LUZP2: variants seen among roughly 807,000 people sequenced by gnomAD.
LUZP2 encodes the protein leucine zipper protein 2.
LUZP2 carries 52 observed loss-of-function variants against 51.6 expected under a neutral mutation model. The observed-to-expected ratio is 1.01, with a 90% CI of 0.81 to 1.27. LUZP2 has a LOEUF of 1.27. Among genes scored for constraint, LUZP2 ranks in the 50% most tolerant of loss-of-function variants. LUZP2 has a pLI of 0.00. For missense variants in LUZP2, 436 were observed against 395.4 expected, an observed-to-expected ratio of 1.10 and a Z score of -0.87; for synonymous variants, 154 against 137.3, an observed-to-expected ratio of 1.12 and a Z score of -0.85.
chr11:24,936,006 T>C (rs1227138076), intron 7 of LUZP2, among the ~76,000 whole-genome samples: 1 of 152,192 alleles, frequency 6.6e-6, no homozygotes, highest in Non-Finnish European at 1.5e-5. Context: ...CAAAAGCATA[T>C]TTGTGAATTT....
intron 5 of LUZP2, among the ~76,000 whole-genome samples, chr11:24,876,539 C>T (rs1260484875): frequency 1.4e-5 from 2 of 148,106 alleles, no homozygotes; most frequent in African/African-American, 5.0e-5. Context: ...TGTGATGCCT[C>T]CAGCTTTGTT....
intron 1 of LUZP2, among the ~76,000 whole-genome samples, chr11:24,720,815 C>T (rs1284769458): frequency 2.0e-5 from 3 of 152,320 alleles, no homozygotes; most frequent in African/African-American, 7.2e-5. Flanking sequence ...TGTCCTGCCT[C>T]AGCCTCTCCG....
intron 7 of LUZP2, among the ~76,000 whole-genome samples, chr11:24,962,373 T>C (rs7127059): frequency 0.46 from 69,375 of 151,824 alleles, 16,154 homozygotes; most frequent in East Asian, 0.74. Context: ...CCAACTTGGT[T>C]CCATTCTCCC....
chr11:24,771,211 C>T (rs751209139), intron 5 of LUZP2, among the ~76,000 whole-genome samples: 1 of 151,308 alleles, frequency 6.6e-6, no homozygotes, highest in Non-Finnish European at 1.5e-5. Flanking sequence ...AATTAGTAAC[C>T]TGTGTATTAA....
In LUZP2 at chr11:24,514,862, A is replaced by G. The variant is rs537126879; in HGVS notation, c.62+17557A>G. 5.3e-5 allele frequency among the ~76,000 whole-genome samples: 8 copies of G among 152,282 alleles called. 1 individual carries two copies. The South Asian group carries it at 1.7e-3, about 32-fold the overall frequency. On this transcript the variant is annotated intron_variant, in intron 1 of 11. Coordinates refer to ENST00000336930, the MANE Select transcript of LUZP2 (RefSeq NM_001009909.4). ...AAAGCGGCCTGGCTCAAGGAAAGCTAAATTCACAAAACTGCTGGTTGGTTC... is the reference window on the plus strand; with the variant it reads ...AAAGCGGCCTGGCTCAAGGAAAGCTGAATTCACAAAACTGCTGGTTGGTTC...
rs76040253 is a variant in LUZP2 at position 24,936,158 on chromosome 11, T to C, written c.522+21620T>C. Among the ~76,000 whole-genome samples the C allele has an allele frequency of 9.6e-3, 1,454 of 152,246 alleles. 19 individuals carry two copies. The highest frequency in any genetic ancestry group is 0.045 in the South Asian group (216 of 4,824). On this transcript the variant is annotated intron_variant, in intron 7 of 11. Coordinates refer to ENST00000336930, the MANE Select transcript of LUZP2 (RefSeq NM_001009909.4). ...ATAGACACAGTTCAGAACAATTTTTTAAAAGTTCACAAATTTTATAGTTTA... is the reference window on the plus strand; with the variant it reads ...ATAGACACAGTTCAGAACAATTTTTCAAAAGTTCACAAATTTTATAGTTTA...
chr11:24,606,737 G>T lies in LUZP2; in HGVS notation c.62+109432G>T, dbSNP rs12225225. Among the ~76,000 whole-genome samples the T allele has an allele frequency of 5.9e-5, 9 of 151,918 alleles. No homozygotes were observed. In the East Asian group the frequency reaches 1.7e-3, roughly 29 times the overall value. Reference sequence around the variant, plus strand: ...TTGAGGAAACTTCATACTGTTTTTCGTATTGATTATACCAGTTTACACTTC... The same window carrying T: ...TTGAGGAAACTTCATACTGTTTTTCTTATTGATTATACCAGTTTACACTTC... On this transcript the variant is annotated intron_variant, in intron 1 of 11. Coordinates refer to ENST00000336930, the MANE Select transcript of LUZP2 (RefSeq NM_001009909.4).
At chr11:24,720,737 C>G (rs1361766743) in intron 1 of LUZP2, among the ~76,000 whole-genome samples, 2 of 152,170 alleles carry the variant, frequency 1.3e-5, no homozygotes, top group African/African-American at 4.8e-5. Flanking sequence ...GAGTCCCTGT[C>G]GCCCAGGCTG....
chr11:24,894,332 G>A (rs1440063415), intron 5 of LUZP2, among the ~76,000 whole-genome samples: 2 of 151,974 alleles, frequency 1.3e-5, no homozygotes, highest in East Asian at 1.9e-4. Context: ...CTGCCACCAC[G>A]CCCGGCTAAT....
At chr11:24,700,965 T>A (rs1377251178) in intron 1 of LUZP2, among the ~76,000 whole-genome samples, 1 of 152,046 alleles carries the variant, frequency 6.6e-6, no homozygotes, top group Non-Finnish European at 1.5e-5. Flanking sequence ...AAAGCAAGAG[T>A]TAGGTTTGTG....
chr11:24,567,655 G>T (rs1852288568), intron 1 of LUZP2, among the ~76,000 whole-genome samples: 1 of 151,926 alleles, frequency 6.6e-6, no homozygotes, highest in African/African-American at 2.4e-5. Context: ...AGCAATGGTG[G>T]CCAGGAAGCA....
At chr11:24,908,254 A>G (rs1853519947) in intron 6 of LUZP2, among the ~76,000 whole-genome samples, 1 of 152,178 alleles carries the variant, frequency 6.6e-6, no homozygotes, top group Non-Finnish European at 1.5e-5. Context: ...TAATATTCAC[A>G]AGGGAAGCTA....
In LUZP2 at chr11:24,879,706, T is replaced by C. The variant is rs116936726; in HGVS notation, c.397-26285T>C. On this transcript the variant is annotated intron_variant, in intron 5 of 11. Transcript: ENST00000336930. ...TTTTTTTCCATATGTTTGTTGGCCATTAATATGTTTTCTTTTGAGAAGTGT... is the reference window on the plus strand; with the variant it reads ...TTTTTTTCCATATGTTTGTTGGCCACTAATATGTTTTCTTTTGAGAAGTGT... 1.0e-2 allele frequency among the ~76,000 whole-genome samples: 1,518 copies of C among 152,270 alleles called. 15 individuals carry two copies. Among genetic ancestry groups the C allele is most frequent in the Non-Finnish European group, 0.015 (1,034 of 68,014 alleles).
At chr11:24,794,809 A>G (rs1441831868) in intron 5 of LUZP2, among the ~76,000 whole-genome samples, 1 of 152,174 alleles carries the variant, frequency 6.6e-6, no homozygotes, top group Non-Finnish European at 1.5e-5. Context: ...TGTAAATAAA[A>G]GATATAAGAT....
chr11:25,042,195 G>A (rs1048756065), intron 9 of LUZP2, among the ~76,000 whole-genome samples: 1 of 151,770 alleles, frequency 6.6e-6, no homozygotes, highest in African/African-American at 2.4e-5. Context: ...TTAGAAAAAA[G>A]ACCACTTATG....
At chr11:24,996,050 T>C (rs1411205947) in intron 9 of LUZP2, among the ~76,000 whole-genome samples, 1 of 151,060 alleles carries the variant, frequency 6.6e-6, no homozygotes, top group Non-Finnish European at 1.5e-5. Flanking sequence ...ATTTTCTCTT[T>C]GTTATTGGTT....
intron 1 of LUZP2, among the ~76,000 whole-genome samples, chr11:24,658,775 C>T (rs1855908885): frequency 6.6e-6 from 1 of 152,158 alleles, no homozygotes; most frequent in Admixed American, 6.5e-5. Flanking sequence ...TGAACAGACA[C>T]TTCTCAAAAA....
intron 6 of LUZP2, among the ~76,000 whole-genome samples, chr11:24,908,337 G>T (rs998181424): frequency 6.6e-6 from 1 of 152,090 alleles, no homozygotes; most frequent in African/African-American, 2.4e-5. Flanking sequence ...GAAATTATAA[G>T]AAGCAAAAAT....
intron 7 of LUZP2, among the ~76,000 whole-genome samples, chr11:24,965,360 A>C (rs1170015281): frequency 6.6e-6 from 1 of 150,830 alleles, no homozygotes; most frequent in East Asian, 1.9e-4. Context: ...TTCTCCACAG[A>C]AAACTCTCTC....
Sources: allele counts gnomAD v4.1 joint callset (sites outside exome capture counted in the v4.1 genomes callset), GRCh38; gene constraint gnomAD v4.1.1; transcripts MANE v1.5; gene names NCBI Gene and HGNC (gene_info 2026-07-23, HGNC 2026-07-21).